DDX10: variants seen among roughly 807,000 people sequenced by gnomAD.
DDX10 encodes DEAD-box helicase 10.
A neutral mutation model predicts 104.3 loss-of-function variants in DDX10; 74 were observed. That is an observed-to-expected ratio of 0.71 (90% CI 0.59 to 0.86). The LOEUF (loss-of-function observed/expected upper bound fraction) is 0.86, where lower values mean the gene tolerates loss of function less well. DDX10 is among the 40% of genes least tolerant of loss of function. The probability of loss-of-function intolerance (pLI) is 0.00; values close to 1 mark genes in which losing one functional copy is unlikely to be tolerated. For synonymous variants in DDX10, 351 were observed against 353.4 expected (o/e 0.99, Z 0.08); for missense variants, 952 against 1,040.0 (o/e 0.92, Z 1.16).
Position 108,940,388 on chromosome 11 carries a change from G to C in DDX10, c.2593G>C (p.Glu865Gln). Residue 865 changes from glutamate to glutamine, a missense_variant, in exon 18 of 18, where the codon GAG (glutamate) becomes CAG (glutamine). This residue lies in a region of DDX10 where 533 missense variants were observed against 534.1 expected (regional missense o/e 1.00). Coordinates refer to ENST00000322536, the MANE Select transcript of DDX10 (RefSeq NM_004398.4). ...CGGCCTGTCTTTAGCAGAGGATGAA[G>C]AGCTGGTGTTACATCTGCTAAGAAG... The part of the protein sequence containing the change: ...DTGLSLAEDE[E>Q]LVLHLLRSQS The C allele has an allele frequency of 6.2e-7, 1 of 1,613,936 alleles. No homozygotes were observed. The highest frequency in any genetic ancestry group is 2.2e-5 in the East Asian group (1 of 44,818).
intron 13 of DDX10, among the ~76,000 whole-genome samples, chr11:108,811,065 G>A (rs1862173277): frequency 6.6e-6 from 1 of 152,140 alleles, no homozygotes; most frequent in African/African-American, 2.4e-5. Context: ...ATCCCTGTAG[G>A]AGATCACTAG....
chr11:108,930,874 G>C (rs1202412673), intron 17 of DDX10, among the ~76,000 whole-genome samples: 1 of 152,166 alleles, frequency 6.6e-6, no homozygotes, highest in African/African-American at 2.4e-5. Context: ...TTGAGGAACT[G>C]TCTTCTCAGC....
intron 13 of DDX10, among the ~76,000 whole-genome samples, chr11:108,727,363 T>C (rs2094306603): frequency 2.6e-5 from 4 of 152,164 alleles, no homozygotes. Flanking sequence ...TATTTTTCCC[T>C]GTTATGATAT....
rs755149619 is a variant in DDX10 at position 108,665,181 on chromosome 11, T to C, written c.28T>C (p.Ser10Pro). The C allele has an allele frequency of 1.2e-6, 2 of 1,611,710 alleles. No homozygotes were observed. The highest frequency in any genetic ancestry group is 2.2e-5 in the South Asian group (2 of 90,698). ...GGGCAAAACGGCCAACTCTCCGGGT[T>C]CGGGAGCCCGACCCGACCCGGTGCG... MGKTANSPGSGARPDPVRSF... is the reference protein window; with the variant it reads MGKTANSPGPGARPDPVRSF... The change falls in exon 1 of 18, where the codon TCG (serine) becomes CCG (proline). Residue 10 changes from serine to proline, a missense_variant. By Grantham distance (74) the Ser-to-Pro change is moderately conservative (BLOSUM62 -1). Transcript: ENST00000322536.
intron 13 of DDX10, among the ~76,000 whole-genome samples, chr11:108,829,360 G>A (rs1862439320): frequency 6.6e-6 from 1 of 152,156 alleles, no homozygotes; most frequent in Non-Finnish European, 1.5e-5. Flanking sequence ...GTGATGCTGA[G>A]CATTTTTCCA....
At chr11:108,849,181 A>G (rs1862759574) in intron 15 of DDX10, among the ~76,000 whole-genome samples, 1 of 152,064 alleles carries the variant, frequency 6.6e-6, no homozygotes, top group Non-Finnish European at 1.5e-5. Context: ...TATCTTTGGG[A>G]CTTAACCATT....
rs1862574281 is a variant in DDX10 at position 108,837,622 on chromosome 11, T to TTTTTTTTTTTTTTTTG, written c.1966-809_1966-808insGTTTTTTTTTTTTTTT. ...TTGGATACAGCTTTTTTTTTTTTTT[T>TTTTTTTTTTTTTTTTG]TTTTTTTTTTTTTTTTTTTTAGGCA... is the stretch of plus-strand genomic sequence containing the variant. On this transcript the variant is annotated intron_variant, in intron 13 of 17. Coordinates refer to ENST00000322536, the MANE Select transcript of DDX10 (RefSeq NM_004398.4). Among the ~76,000 whole-genome samples, 2 of 119,330 alleles carry TTTTTTTTTTTTTTTTG rather than the reference T, an allele frequency of 1.7e-5. 1 individual carries two copies. Among genetic ancestry groups the TTTTTTTTTTTTTTTTG allele is most frequent in the Non-Finnish European group, 3.5e-5 (2 of 57,674 alleles). The allele number at this position is 119,330 out of a possible 152,430, so 78.3% of individuals were successfully genotyped here. A position where few individuals can be genotyped will look rare whatever the true frequency, so the allele number is the denominator to read the frequency against.
At chr11:108,847,042 G>A (rs1192823786) in intron 15 of DDX10, among the ~76,000 whole-genome samples, 1 of 152,180 alleles carries the variant, frequency 6.6e-6, no homozygotes, top group Non-Finnish European at 1.5e-5. Context: ...CCAGCCTTCA[G>A]CTTTGTCTGG....
At chr11:108,886,620 T>C (rs1344498647) in intron 16 of DDX10, among the ~76,000 whole-genome samples, 2 of 152,216 alleles carry the variant, frequency 1.3e-5, no homozygotes, top group African/African-American at 2.4e-5. Flanking sequence ...ATCAGTCAAA[T>C]TCAGGATATA....
At chr11:108,736,326 G>A (rs1171035392) in intron 13 of DDX10, among the ~76,000 whole-genome samples, 2 of 151,992 alleles carry the variant, frequency 1.3e-5, no homozygotes, top group Non-Finnish European at 2.9e-5. Flanking sequence ...GTGAGTGTGT[G>A]TATTCGTAAC....
At chr11:108,709,125 T>C (rs553798327) in intron 10 of DDX10, among the ~76,000 whole-genome samples, 1 of 152,336 alleles carries the variant, frequency 6.6e-6, no homozygotes, top group South Asian at 2.1e-4. Flanking sequence ...TAGAATGATG[T>C]TGGACAGCAG....
At chr11:108,728,021 G>A (rs1161099081) in intron 13 of DDX10, among the ~76,000 whole-genome samples, 2 of 150,812 alleles carry the variant, frequency 1.3e-5, no homozygotes, top group Non-Finnish European at 2.9e-5. Flanking sequence ...TTAAGTTGGG[G>A]GAAAAAAGTC....
intron 16 of DDX10, among the ~76,000 whole-genome samples, chr11:108,912,119 G>C (rs1296181438): frequency 1.3e-5 from 2 of 152,162 alleles, no homozygotes; most frequent in Non-Finnish European, 2.9e-5. Flanking sequence ...CTGGAGCCTG[G>C]AAAGTTCAAT....
chr11:108,865,753 C>G (rs77073888), intron 16 of DDX10, among the ~76,000 whole-genome samples: 1 of 152,170 alleles, frequency 6.6e-6, no homozygotes, highest in East Asian at 1.9e-4. Flanking sequence ...GTTTACTCTA[C>G]GCATATTTCT....
chr11:108,697,431 A>T (rs2094261506), intron 9 of DDX10, among the ~76,000 whole-genome samples: 1 of 152,168 alleles, frequency 6.6e-6, no homozygotes, highest in South Asian at 2.1e-4. Context: ...ACTATAATAT[A>T]TCGATATAGG....
At chr11:108,898,415 C>T (rs1475025931) in intron 16 of DDX10, among the ~76,000 whole-genome samples, 2 of 151,846 alleles carry the variant, frequency 1.3e-5, no homozygotes, top group Admixed American at 6.6e-5. Context: ...AAATCATGTC[C>T]CCTAGAGGGT....
intron 17 of DDX10, among the ~76,000 whole-genome samples, chr11:108,937,331 T>G (rs964755291): frequency 6.6e-6 from 1 of 152,296 alleles, no homozygotes; most frequent in Non-Finnish European, 1.5e-5. Flanking sequence ...TACAAGTATC[T>G]GAAAAAATTA....
intron 15 of DDX10, among the ~76,000 whole-genome samples, chr11:108,846,550 C>T (rs1862720786): frequency 6.6e-6 from 1 of 152,210 alleles, no homozygotes; most frequent in Non-Finnish European, 1.5e-5. Flanking sequence ...ATTTACCCCT[C>T]TGCCTGGCTT....
intron 16 of DDX10, among the ~76,000 whole-genome samples, chr11:108,912,169 T>A (rs970251255): frequency 6.6e-6 from 1 of 152,140 alleles, no homozygotes; most frequent in African/African-American, 2.4e-5. Flanking sequence ...TGAGGGCCTG[T>A]TTACTGATTT....
Sources: gnomAD v4.1 joint callset for allele counts (sites outside exome capture counted in the v4.1 genomes callset) on GRCh38, gnomAD v4.1.1 for gene constraint, gnomAD v4.1.1 regional missense constraint, MANE v1.5 for transcripts, NCBI Gene and HGNC (gene_info 2026-07-23, HGNC 2026-07-21) for gene names.